Variants in COP1 observed in about 807,000 individuals in gnomAD.
The protein encoded by COP1 is COP1 E3 ubiquitin ligase.
Under a neutral mutation model 101.3 loss-of-function variants are expected in COP1, and 24 were observed. The observed-to-expected ratio is 0.24, with a 90% CI of 0.17 to 0.33. The LOEUF (loss-of-function observed/expected upper bound fraction) is 0.33, where lower values mean the gene tolerates loss of function less well. Ranked by LOEUF, COP1 falls within the 10% of genes least tolerant of loss-of-function variation. The pLI is 1.00. For synonymous variants in COP1, 347 were observed against 341.9 expected, an observed-to-expected ratio of 1.01 and a Z score of -0.17; for missense variants, 663 against 906.2, an observed-to-expected ratio of 0.73 and a Z score of 3.45.
chr1:176,187,871 T>G (rs1427243808), intron 1 of COP1, among the ~76,000 whole-genome samples: 1 of 152,122 alleles, frequency 6.6e-6, no homozygotes, highest in Non-Finnish European at 1.5e-5. Context: ...TTCTCCCAAA[T>G]TTCATATGTT....
At chr1:176,066,026 G>A (rs139328079) in intron 11 of COP1, among the ~76,000 whole-genome samples, 286 of 152,034 alleles carry the variant, frequency 1.9e-3, no homozygotes, top group East Asian at 7.0e-3. Flanking sequence ...GCACCTGGCC[G>A]GGGGATAATG....
At chr1:176,135,703 C>T (rs769197646) in intron 7 of COP1, among the ~76,000 whole-genome samples, 7 of 151,892 alleles carry the variant, frequency 4.6e-5, no homozygotes, top group Non-Finnish European at 1.0e-4. Flanking sequence ...AACCTAGCTT[C>T]CTTTTTTATG....
chr1:176,131,888 T>A (rs1282051570), intron 8 of COP1, among the ~76,000 whole-genome samples: 1 of 151,886 alleles, frequency 6.6e-6, no homozygotes. Context: ...AAGAAAATAC[T>A]GTTTGCCTAT....
At chr1:176,140,103 G>A (rs867615435) in intron 6 of COP1, among the ~76,000 whole-genome samples, 1 of 152,100 alleles carries the variant, frequency 6.6e-6, no homozygotes, top group Non-Finnish European at 1.5e-5. Flanking sequence ...AATGTCACCT[G>A]AAATCTCAAA....
intron 1 of COP1, among the ~76,000 whole-genome samples, chr1:176,204,859 C>T (rs1429954431): frequency 6.6e-6 from 1 of 152,058 alleles, no homozygotes; most frequent in South Asian, 2.1e-4. Flanking sequence ...ACCCGGGAGG[C>T]GGGGGTGGCA....
chr1:176,057,975 T>C (rs1000263977), intron 11 of COP1, among the ~76,000 whole-genome samples: 2 of 150,098 alleles, frequency 1.3e-5, no homozygotes, highest in Non-Finnish European at 3.0e-5. Context: ...GGAGCGTCTC[T>C]GCCTGGCCGC....
chr1:176,136,429 G>T, intron 7 of COP1, 59 bp downstream of exon 7: 1 of 1,152,038 alleles, frequency 8.7e-7, no homozygotes, highest in Non-Finnish European at 1.3e-6. Flanking sequence ...TAATGGAAAG[G>T]TGACAATTTC....
chr1:175,950,475 C>A (rs1175202750), intron 18 of COP1, among the ~76,000 whole-genome samples: 3 of 151,934 alleles, frequency 2.0e-5, no homozygotes, highest in African/African-American at 7.3e-5. Flanking sequence ...GGAAGTGGTA[C>A]GTACAAGGTT....
rs560990818 is a variant in COP1 at position 175,967,872 on chromosome 1, TTTC to T, written c.2133+19068_2133+19070del. Among the ~76,000 whole-genome samples the T allele has an allele frequency of 2.4e-3, 365 of 152,278 alleles. 1 individual carries two copies. Among genetic ancestry groups the T allele is most frequent in the Non-Finnish European group, 3.7e-3 (252 of 68,024 alleles). ...CCCCTTAGAAGAATAATATTTCTTTTTTCTTTTTTTTTTGAGATGGAGTCTCGC... is the reference window on the plus strand; with the variant it reads ...CCCCTTAGAAGAATAATATTTCTTTTTTTTTTTTTTGAGATGGAGTCTCGC... On this transcript the variant is annotated intron_variant, in intron 18 of 19. Transcript: ENST00000367669.
chr1:176,078,232 C>T (rs1414975698), intron 11 of COP1, among the ~76,000 whole-genome samples: 1 of 152,040 alleles, frequency 6.6e-6, no homozygotes, highest in African/African-American at 2.4e-5. Context: ...TCACACTACC[C>T]AACTTCAATT....
intron 18 of COP1, among the ~76,000 whole-genome samples, chr1:175,971,128 A>G (rs1275646000): frequency 6.6e-6 from 1 of 152,242 alleles, no homozygotes; most frequent in East Asian, 1.9e-4. Context: ...AACAATAATG[A>G]TTCTGGGGTT....
At chr1:176,117,783 T>C (rs1686453897) in intron 8 of COP1, among the ~76,000 whole-genome samples, 1 of 152,074 alleles carries the variant, frequency 6.6e-6, no homozygotes, top group Non-Finnish European at 1.5e-5. Flanking sequence ...TAATCCTAGC[T>C]ACTTGGGAGG....
chr1:176,017,357 A>C (rs913836381), intron 15 of COP1: 3 of 152,306 alleles, frequency 2.0e-5, no homozygotes, highest in Admixed American at 6.5e-5. Context: ...AGTTTATAAA[A>C]GTCCTCAATG....
At chr1:176,003,273 G>A (rs1373583690) in intron 15 of COP1, among the ~76,000 whole-genome samples, 1 of 152,132 alleles carries the variant, frequency 6.6e-6, no homozygotes, top group Admixed American at 6.6e-5. Context: ...TGAGTAGGTT[G>A]CAAAAATTTT....
intron 10 of COP1, among the ~76,000 whole-genome samples, chr1:176,083,608 A>C (rs1679587662): frequency 6.6e-6 from 1 of 152,154 alleles, no homozygotes; most frequent in South Asian, 2.1e-4. Flanking sequence ...TCTTTCTCCT[A>C]GTGCTTTATA....
intron 6 of COP1, among the ~76,000 whole-genome samples, chr1:176,140,464 T>G (rs1011412706): frequency 1.3e-5 from 2 of 152,086 alleles, no homozygotes; most frequent in African/African-American, 4.8e-5. Flanking sequence ...CATATTAAAT[T>G]TGAGGTGTTT....
intron 8 of COP1, among the ~76,000 whole-genome samples, chr1:176,124,969 G>A (rs148178282): frequency 2.0e-5 from 3 of 152,228 alleles, no homozygotes; most frequent in Non-Finnish European, 4.4e-5. Flanking sequence ...TTTAACTGAG[G>A]TGAGATGATA....
At chr1:176,124,459 T>C (rs1048545629) in intron 8 of COP1, among the ~76,000 whole-genome samples, 35 of 147,438 alleles carry the variant, frequency 2.4e-4, no homozygotes, top group African/African-American at 7.7e-4. Context: ...ACCATCTTTC[T>C]ATTCTCTATC....
At chr1:176,000,826 A>G (rs1291519500) in intron 15 of COP1, among the ~76,000 whole-genome samples, 2 of 151,856 alleles carry the variant, frequency 1.3e-5, no homozygotes. Context: ...TAGTTTGAGT[A>G]TATTTTAAAA....
Sources: gnomAD v4.1 joint callset for allele counts (sites outside exome capture counted in the v4.1 genomes callset) on GRCh38, gnomAD v4.1.1 for gene constraint, MANE v1.5 for transcripts, NCBI Gene and HGNC (gene_info 2026-07-23, HGNC 2026-07-21) for gene names.